Variants in ARHGAP12 observed in about 807,000 individuals in gnomAD.
ARHGAP12 encodes the protein Rho GTPase activating protein 12.
ARHGAP12 carries 64 observed loss-of-function variants against 108.6 expected under a neutral mutation model. The observed-to-expected ratio is 0.59, with a 90% CI of 0.48 to 0.73. The LOEUF is 0.73. ARHGAP12 is among the 30% of genes least tolerant of loss of function. ARHGAP12 has a pLI of 0.00. For synonymous variants in ARHGAP12, 312 were observed against 337.2 expected (o/e 0.93, Z 0.82); for missense variants, 940 against 1,005.9 (o/e 0.93, Z 0.89).
At position 31,854,184 on chromosome 10, in the gene ARHGAP12, T is replaced by C; in HGVS notation, c.971A>G (p.Tyr324Cys). 1 of 1,609,464 alleles carries C rather than the reference T, an allele frequency of 6.2e-7. No homozygotes were observed. The highest frequency in any genetic ancestry group is 8.5e-7 in the Non-Finnish European group (1 of 1,178,742). Residue 324 changes from tyrosine to cysteine, a missense_variant, in exon 5 of 20, where the codon TAC becomes TGC. Transcript: ENST00000344936. ...TGACTGGCTGTAAGAAGTGCTGTAG[T>C]AGTTTTCTTCCGATGAAAGAAGCTA... ...DQELLSSEEN[Y>C]YSTSYSQSDS...
intron 1 of ARHGAP12, among the ~76,000 whole-genome samples, chr10:31,914,906 TAA>T (rs1216122486): frequency 2.0e-5 from 3 of 152,182 alleles, no homozygotes; most frequent in East Asian, 1.9e-4. Flanking sequence ...CATTAAAGGA[TAA>T]AGTGTATATA....
At chr10:31,875,916 G>A (rs1023975931) in intron 3 of ARHGAP12, among the ~76,000 whole-genome samples, 16 of 152,134 alleles carry the variant, frequency 1.1e-4, no homozygotes, top group African/African-American at 3.9e-4. Flanking sequence ...CCTCATATAA[G>A]TGGAATTATA....
intron 9 of ARHGAP12, among the ~76,000 whole-genome samples, chr10:31,838,675 C>A (rs1304394904): frequency 1.3e-5 from 2 of 151,634 alleles, no homozygotes; most frequent in Non-Finnish European, 2.9e-5. Context: ...ACTAAAAATA[C>A]AAAAAATTAG....
chr10:31,883,877 A>C (rs1213483969), intron 3 of ARHGAP12, among the ~76,000 whole-genome samples: 4 of 151,852 alleles, frequency 2.6e-5, no homozygotes, highest in Non-Finnish European at 5.9e-5. Flanking sequence ...ATGCCCAGCT[A>C]ATTTTTTTTG....
At chr10:31,858,527 C>G (rs1047888264) in intron 4 of ARHGAP12, among the ~76,000 whole-genome samples, 1 of 152,152 alleles carries the variant, frequency 6.6e-6, no homozygotes, top group African/African-American at 2.4e-5. Context: ...AGCGTTGAGT[C>G]TATCCTGGGC....
intron 11 of ARHGAP12, among the ~76,000 whole-genome samples, chr10:31,825,293 ACTTTT>A (rs1322573749): frequency 6.6e-6 from 1 of 152,104 alleles, no homozygotes; most frequent in Admixed American, 6.5e-5. Flanking sequence ...TTATAAATGG[ACTTTT>A]CTTTCATCAA....
intron 9 of ARHGAP12, among the ~76,000 whole-genome samples, chr10:31,833,803 CA>C (rs1835918136): frequency 6.6e-6 from 1 of 152,116 alleles, no homozygotes; most frequent in African/African-American, 2.4e-5. Flanking sequence ...GAGATAAAAA[CA>C]ACCAACAGTG....
intron 15 of ARHGAP12, among the ~76,000 whole-genome samples, chr10:31,811,974 A>G (rs1028898763): frequency 2.0e-5 from 3 of 152,130 alleles, no homozygotes; most frequent in African/African-American, 7.2e-5. Flanking sequence ...TTCTTAATAA[A>G]ACTGGCTTGC....
In ARHGAP12 at chr10:31,916,490, G is replaced by A. The variant is rs1331749820; in HGVS notation, c.-110-5927C>T. Among the ~76,000 whole-genome samples, 3 of 152,072 alleles carry A rather than the reference G, an allele frequency of 2.0e-5. No individual in the cohort carries two copies. In the East Asian group the frequency reaches 5.8e-4, roughly 29 times the overall value. On this transcript the variant is annotated intron_variant, in intron 1 of 19. Transcript: ENST00000344936. ...TTCTTCCCATTTAAACTACCAAGAA[G>A]CCTACCAAAACTTAAACAGTTCAGC...
At chr10:31,818,766 C>T (rs187652937) in intron 12 of ARHGAP12, among the ~76,000 whole-genome samples, 2 of 152,110 alleles carry the variant, frequency 1.3e-5, no homozygotes, top group Admixed American at 1.3e-4. Context: ...TAACTAGATT[C>T]TCTCCTTCAA....
intron 3 of ARHGAP12, among the ~76,000 whole-genome samples, chr10:31,868,345 T>C (rs1837409579): frequency 6.6e-6 from 1 of 152,116 alleles, no homozygotes; most frequent in Non-Finnish European, 1.5e-5. Flanking sequence ...TTATCAGTTT[T>C]CTCTGGATAT....
intron 1 of ARHGAP12, among the ~76,000 whole-genome samples, chr10:31,916,767 C>T (rs1425635957): frequency 1.3e-5 from 2 of 152,176 alleles, no homozygotes; most frequent in East Asian, 3.9e-4. Flanking sequence ...CAGGTGCCCG[C>T]CACCACATCT....
intron 4 of ARHGAP12, among the ~76,000 whole-genome samples, chr10:31,855,285 A>C (rs2132290833): frequency 6.6e-6 from 1 of 152,330 alleles, no homozygotes; most frequent in Admixed American, 6.5e-5. Context: ...ATATGACTAA[A>C]TGGCAATTTG....
At chr10:31,892,567 T>C (rs879141191) in intron 3 of ARHGAP12, among the ~76,000 whole-genome samples, 5 of 152,200 alleles carry the variant, frequency 3.3e-5, no homozygotes, top group African/African-American at 9.7e-5. Context: ...CCTAAACATA[T>C]ACGCATCCAA....
At chr10:31,831,593 A>G in intron 10 of ARHGAP12, 146 bp downstream of exon 10, 1 of 498,766 alleles carries the variant, frequency 2.0e-6, no homozygotes, top group Non-Finnish European at 3.4e-6. Context: ...CATAAATCTC[A>G]TGACAATCTT....
rs9336497 is a variant in ARHGAP12, at chr10:31,903,771, A to C, written c.684+4401T>G. Reference sequence around the variant, plus strand: ...CTCTCAAAATTCAACAGTAAAAAAAACCAAACAATCCAATTCGAAAATGGG... The same window carrying C: ...CTCTCAAAATTCAACAGTAAAAAAACCCAAACAATCCAATTCGAAAATGGG... On this transcript the variant is annotated intron_variant, in intron 3 of 19. Coordinates refer to ENST00000344936, the MANE Select transcript of ARHGAP12 (RefSeq NM_018287.7). Among the ~76,000 whole-genome samples, 623 of 149,354 alleles carry C rather than the reference A, an allele frequency of 4.2e-3. 4 individuals carry two copies. Among genetic ancestry groups the C allele is most frequent in the Non-Finnish European group, 7.0e-3 (469 of 67,212 alleles).
chr10:31,889,658 G>A (rs745876389), intron 3 of ARHGAP12, among the ~76,000 whole-genome samples: 166 of 110,608 alleles, frequency 1.5e-3, no homozygotes, highest in Non-Finnish European at 2.3e-3. Flanking sequence ...ACAGGATCTC[G>A]CTCTGTCATG....
chr10:31,871,487 C>A (rs1340682975), intron 3 of ARHGAP12, among the ~76,000 whole-genome samples: 2 of 152,114 alleles, frequency 1.3e-5, no homozygotes, highest in African/African-American at 4.8e-5. Context: ...CCTTTTATCA[C>A]CTTGGCCAAC....
intron 7 of ARHGAP12, among the ~76,000 whole-genome samples, 196 bp from the exon 8 acceptor site, chr10:31,839,907 C>CT (rs1836196036): frequency 6.6e-6 from 1 of 151,948 alleles, no homozygotes; most frequent in African/African-American, 2.4e-5. Flanking sequence ...AAATATGGTG[C>CT]TTTTTATAGC....
Sources: allele counts gnomAD v4.1 joint callset (sites outside exome capture counted in the v4.1 genomes callset), GRCh38; gene constraint gnomAD v4.1.1; transcripts MANE v1.5; gene names NCBI Gene and HGNC (gene_info 2026-07-23, HGNC 2026-07-21).